The following NTM variants were observed in gnomAD, a reference collection of about 807,000 sequenced individuals.
NTM encodes IgLON family member 2.
Under a neutral mutation model 42.1 loss-of-function variants are expected in NTM, and 13 were observed. The observed-to-expected ratio is 0.31, with a 90% CI of 0.20 to 0.49. NTM has a LOEUF of 0.49. NTM is among the 20% of genes least tolerant of loss of function. NTM has a pLI of 0.99. For synonymous variants in NTM, 187 were observed against 179.2 expected (o/e 1.04, Z -0.35); for missense variants, 373 against 452.8 (o/e 0.82, Z 1.60).
Position 131,702,297 on chromosome 11 carries a change from G to A in NTM, c.83-209267G>A, listed in dbSNP as rs538759983. Among the ~76,000 whole-genome samples, 8 of 152,304 alleles carry A rather than the reference G, an allele frequency of 5.3e-5. No individual in the cohort carries two copies. The Middle Eastern group carries it at 0.01, about 194-fold the overall frequency. On this transcript the variant is annotated intron_variant, in intron 1 of 8. Transcript: ENST00000683400. Reference sequence around the variant, plus strand: ...AAAAGTACGGTAGTGATGAAGTGCCGATTCTTAAAAGTCAACATATAGTGA... The same window carrying A: ...AAAAGTACGGTAGTGATGAAGTGCCAATTCTTAAAAGTCAACATATAGTGA...
intron 1 of NTM, among the ~76,000 whole-genome samples, chr11:131,890,137 CCTCTCTCTCTCTCTCTCTGTCT>C (rs1411639600): frequency 4.6e-5 from 5 of 108,644 alleles, no homozygotes; most frequent in Admixed American, 2.7e-4. Context: ...CCTCTCTCTC[CCTCTCTCTCTCTCTCTCTGTCT>C]CTCTCTCTCT....
At chr11:131,507,284 G>C (rs2047602247) in intron 1 of NTM, among the ~76,000 whole-genome samples, 2 of 151,892 alleles carry the variant, frequency 1.3e-5, no homozygotes, top group African/African-American at 4.8e-5. Flanking sequence ...TGGCTAGCCA[G>C]TTTTCCCAGC....
chr11:131,676,711 T>C (rs753816520), intron 1 of NTM, among the ~76,000 whole-genome samples: 1 of 151,852 alleles, frequency 6.6e-6, no homozygotes, highest in African/African-American at 2.4e-5. Context: ...CGTTGAAAAT[T>C]TTAAACCTTC....
intron 1 of NTM, among the ~76,000 whole-genome samples, chr11:131,437,640 A>G (rs1219963153): frequency 2.6e-5 from 4 of 152,148 alleles, no homozygotes; most frequent in Non-Finnish European, 5.9e-5. Flanking sequence ...TTTGCTTGGT[A>G]GATCTTCCTC....
chr11:132,157,401 C>A (rs1220021141), intron 3 of NTM, among the ~76,000 whole-genome samples: 1 of 152,054 alleles, frequency 6.6e-6, no homozygotes, highest in South Asian at 2.1e-4. Context: ...AGCTTTTTGT[C>A]CTTGGGGTAT....
chr11:132,179,658 C>T (rs1034214526), intron 3 of NTM, among the ~76,000 whole-genome samples: 9 of 152,102 alleles, frequency 5.9e-5, no homozygotes, highest in Non-Finnish European at 1.0e-4. Flanking sequence ...TGAAGAGGGA[C>T]GAAGCTGACC....
chr11:132,192,553 T>G (rs2079482935), intron 3 of NTM, among the ~76,000 whole-genome samples: 1 of 152,134 alleles, frequency 6.6e-6, no homozygotes, highest in African/African-American at 2.4e-5. Flanking sequence ...CCTGCCATGC[T>G]TAAGTATGTA....
At position 131,606,278 on chromosome 11, in the gene NTM, A is replaced by ACTC. The variant is rs530499216; in HGVS notation, c.82+235391_82+235393dup. The stretch of plus-strand genomic sequence containing the variant: ...AGCATGTTGTGCAAACTGGTCCCGA[A>ACTC]CTCTTGGCCTCAAGCGATCCTCCTG... On this transcript the variant is annotated intron_variant, in intron 1 of 8. Coordinates refer to ENST00000683400, the MANE Select transcript of NTM (RefSeq NM_001352005.2). Among the ~76,000 whole-genome samples, 13 of 152,010 alleles carry ACTC rather than the reference A, an allele frequency of 8.6e-5. No individual in the cohort carries two copies. The South Asian group carries it at 2.5e-3, about 29-fold the overall frequency.
At chr11:131,454,795 T>G (rs753814504) in intron 1 of NTM, among the ~76,000 whole-genome samples, 1 of 152,116 alleles carries the variant, frequency 6.6e-6, no homozygotes, top group African/African-American at 2.4e-5. Context: ...CACACCCTGA[T>G]TTGATATTAC....
chr11:131,583,789 A>G (rs1415741097), intron 1 of NTM, among the ~76,000 whole-genome samples: 1 of 152,190 alleles, frequency 6.6e-6, no homozygotes, highest in African/African-American at 2.4e-5. Flanking sequence ...CCAAGGAACC[A>G]AGGAGTATTT....
intron 2 of NTM, among the ~76,000 whole-genome samples, chr11:132,000,523 G>T (rs1304749921): frequency 6.6e-6 from 1 of 152,182 alleles, no homozygotes; most frequent in Non-Finnish European, 1.5e-5. Flanking sequence ...AGCATTTGGG[G>T]TGAATGTGTA....
intron 1 of NTM, among the ~76,000 whole-genome samples, chr11:131,688,040 G>T (rs1428073968): frequency 1.3e-5 from 2 of 151,872 alleles, no homozygotes; most frequent in Middle Eastern, 3.4e-3. Context: ...AGTTATTATT[G>T]CACTGACACT....
intron 4 of NTM, among the ~76,000 whole-genome samples, chr11:132,250,498 T>C (rs941696811): frequency 6.6e-6 from 1 of 152,128 alleles, no homozygotes; most frequent in Non-Finnish European, 1.5e-5. Context: ...TCTCTCCTTT[T>C]GGGACTCCTC....
At chr11:131,474,865 G>A (rs1201230348) in intron 1 of NTM, among the ~76,000 whole-genome samples, 2 of 152,082 alleles carry the variant, frequency 1.3e-5, no homozygotes, top group Admixed American at 6.6e-5. Context: ...ATGTGGAGCG[G>A]GCCATATTAG....
chr11:131,751,291 T>C (rs1427876792), intron 1 of NTM, among the ~76,000 whole-genome samples: 1 of 151,346 alleles, frequency 6.6e-6, no homozygotes, highest in Non-Finnish European at 1.5e-5. Flanking sequence ...AATAAATAAA[T>C]AAATAAATAA....
At chr11:131,838,387 C>T (rs981418166) in intron 1 of NTM, among the ~76,000 whole-genome samples, 1 of 152,218 alleles carries the variant, frequency 6.6e-6, no homozygotes, top group African/African-American at 2.4e-5. Flanking sequence ...ATGGGGGTAG[C>T]AGACGTTAAA....
At chr11:132,249,878 T>C (rs2091729323) in intron 4 of NTM, among the ~76,000 whole-genome samples, 1 of 152,360 alleles carries the variant, frequency 6.6e-6, no homozygotes, top group East Asian at 1.9e-4. Context: ...TTGGCCCAAC[T>C]TCATTGCCAT....
chr11:131,942,990 G>T (rs1224079495), intron 2 of NTM, among the ~76,000 whole-genome samples: 1 of 152,026 alleles, frequency 6.6e-6, no homozygotes, highest in East Asian at 1.9e-4. Flanking sequence ...TGGGGCTACC[G>T]CAGGGCATTC....
intron 1 of NTM, among the ~76,000 whole-genome samples, chr11:131,868,760 T>G (rs1230608430): frequency 6.6e-6 from 1 of 152,204 alleles, no homozygotes; most frequent in Non-Finnish European, 1.5e-5. Flanking sequence ...CTACCTTCCC[T>G]ATAAGGCTGT....
Sources: allele counts gnomAD v4.1 joint callset (sites outside exome capture counted in the v4.1 genomes callset), GRCh38; gene constraint gnomAD v4.1.1; transcripts MANE v1.5; gene names NCBI Gene and HGNC (gene_info 2026-07-23, HGNC 2026-07-21).